PHACTR1: variants seen among roughly 807,000 people sequenced by gnomAD.
PHACTR1 encodes the protein RPEL repeat containing 1.
A neutral mutation model predicts 69.2 loss-of-function variants in PHACTR1; 16 were observed. The ratio of observed to expected loss-of-function variants is 0.23; its 90% confidence interval spans 0.16 to 0.35. The LOEUF (loss-of-function observed/expected upper bound fraction) is 0.35, where lower values mean the gene tolerates loss of function less well. Ranked by LOEUF, PHACTR1 falls within the 10% of genes least tolerant of loss-of-function variation. The pLI, the probability that PHACTR1 is intolerant of heterozygous loss-of-function variation, is 1.00. For synonymous variants in PHACTR1, 312 were observed against 284.5 expected, an observed-to-expected ratio of 1.10 and a Z score of -0.97; for missense variants, 510 against 734.7, an observed-to-expected ratio of 0.69 and a Z score of 3.54.
intron 4 of PHACTR1, among the ~76,000 whole-genome samples, chr6:12,757,639 G>A (rs890642733): frequency 4.6e-5 from 7 of 152,122 alleles, no homozygotes; most frequent in African/African-American, 9.7e-5. Context: ...GCCAGTATGC[G>A]TTCATGATGG....
intron 5 of PHACTR1, among the ~76,000 whole-genome samples, chr6:13,132,591 A>C (rs1158825364): frequency 6.6e-6 from 1 of 152,118 alleles, no homozygotes; most frequent in Non-Finnish European, 1.5e-5. Context: ...AAATAAAGTG[A>C]GTATTTCAGT....
intron 4 of PHACTR1, among the ~76,000 whole-genome samples, chr6:12,979,169 C>A (rs768572582): frequency 2.8e-4 from 43 of 152,214 alleles, no homozygotes; most frequent in Non-Finnish European, 5.1e-4. Context: ...TGGCCAGAGA[C>A]TGTCATATTT....
At chr6:13,218,853 AAAGAG>A (rs536881718) in intron 8 of PHACTR1, among the ~76,000 whole-genome samples, 4,818 of 142,304 alleles carry the variant, frequency 0.034, 109 homozygotes, top group African/African-American at 0.048. Flanking sequence ...GAGGAGGAGG[AAAGAG>A]AAGAGAAGAG....
At chr6:13,284,438 A>C (rs1266321452) in intron 13 of PHACTR1, among the ~76,000 whole-genome samples, 1 of 143,638 alleles carries the variant, frequency 7.0e-6, no homozygotes, top group African/African-American at 2.6e-5. Context: ...AATTGCTTGA[A>C]CCCAGGAGGT....
chr6:12,742,279 T>G (rs936214812), intron 3 of PHACTR1, among the ~76,000 whole-genome samples: 1 of 152,184 alleles, frequency 6.6e-6, no homozygotes. Context: ...TTCCCAGAGC[T>G]TAGGGTTCCT....
At chr6:12,845,870 G>T (rs894722077) in intron 4 of PHACTR1, among the ~76,000 whole-genome samples, 1 of 152,112 alleles carries the variant, frequency 6.6e-6, no homozygotes, top group Non-Finnish European at 1.5e-5. Flanking sequence ...CTCCCTTATT[G>T]TCCTTAACAT....
chr6:12,876,877 T>C (rs911670889), intron 4 of PHACTR1, among the ~76,000 whole-genome samples: 1 of 152,170 alleles, frequency 6.6e-6, no homozygotes, highest in African/African-American at 2.4e-5. Context: ...AGTCTGAGCC[T>C]AAAGGCCTGA....
At chr6:12,818,934 G>T (rs1422830399) in intron 4 of PHACTR1, among the ~76,000 whole-genome samples, 1 of 152,188 alleles carries the variant, frequency 6.6e-6, no homozygotes. Flanking sequence ...GCAGGCATAG[G>T]ACATGCCAGA....
In PHACTR1 at chr6:12,826,336, A is replaced by T. The variant is rs539687472; in HGVS notation, c.250+76546A>T. Among the ~76,000 whole-genome samples the T allele has an allele frequency of 1.3e-4, 20 of 152,244 alleles. No homozygotes were observed. In the South Asian group the frequency reaches 3.7e-3, roughly 28 times the overall value. On this transcript the variant is annotated intron_variant, in intron 4 of 14. Transcript: ENST00000332995. ...GGGCAAAGTAGAGCCAGGGAGACTA[A>T]ACATTTATATCATGATGACCCACAT...
chr6:12,999,262 A>G (rs1797797761), intron 4 of PHACTR1, among the ~76,000 whole-genome samples: 1 of 152,264 alleles, frequency 6.6e-6, no homozygotes. Flanking sequence ...GCAACAGGAA[A>G]TATGAATGAA....
At chr6:13,261,368 CA>C (rs1400972399) in intron 10 of PHACTR1, among the ~76,000 whole-genome samples, 1 of 152,144 alleles carries the variant, frequency 6.6e-6, no homozygotes, top group Non-Finnish European at 1.5e-5. Flanking sequence ...GAAAAGTCAC[CA>C]AGTAGCATCC....
chr6:12,776,169 TA>T (rs1770034679), intron 4 of PHACTR1, among the ~76,000 whole-genome samples: 1 of 152,242 alleles, frequency 6.6e-6, no homozygotes, highest in Admixed American at 6.5e-5. Flanking sequence ...TTAAATGGGA[TA>T]TTTTTAAAAA....
At chr6:12,862,813 C>T (rs1412898344) in intron 4 of PHACTR1, among the ~76,000 whole-genome samples, 1 of 152,184 alleles carries the variant, frequency 6.6e-6, no homozygotes, top group Non-Finnish European at 1.5e-5. Flanking sequence ...TTACAGCAAC[C>T]TACAATATAT....
In PHACTR1 at chr6:13,184,756, G is replaced by A. The variant is rs780343562; in HGVS notation, c.664+2070G>A. 1.6e-4 allele frequency: 215 copies of A among 1,348,676 alleles called. 1 individual carries two copies. The South Asian group carries it at 2.0e-3, about 13-fold the overall frequency. The allele number at this position is 1,348,676 out of a possible 1,614,324, so 83.5% of individuals were successfully genotyped here. A position where few individuals can be genotyped will look rare whatever the true frequency, so the allele number is the denominator to read the frequency against. ...TCCCCGCTGGCCCCGCCTGCACTGC[G>A]TTTGTGTAATGTCTCCTGTGTATCA... On this transcript the variant is annotated intron_variant, in intron 7 of 14. Transcript: ENST00000332995.
At chr6:12,905,273 A>G (rs1785606240) in intron 4 of PHACTR1, among the ~76,000 whole-genome samples, 1 of 152,204 alleles carries the variant, frequency 6.6e-6, no homozygotes, top group Non-Finnish European at 1.5e-5. Context: ...GTGGTAAACA[A>G]CCACTGAAGC....
intron 12 of PHACTR1, among the ~76,000 whole-genome samples, chr6:13,282,280 T>C (rs1780452962): frequency 6.6e-6 from 1 of 152,174 alleles, no homozygotes; most frequent in African/African-American, 2.4e-5. Context: ...TTTGACAGCA[T>C]CTTAAAGAGA....
chr6:12,930,172 T>C (rs990369527), intron 4 of PHACTR1, among the ~76,000 whole-genome samples: 4 of 151,984 alleles, frequency 2.6e-5, no homozygotes, highest in African/African-American at 9.7e-5. Context: ...GCCTTCTGAG[T>C]AGCTGGGACT....
intron 4 of PHACTR1, among the ~76,000 whole-genome samples, chr6:12,982,237 G>A (rs779647972): frequency 4.6e-5 from 7 of 152,072 alleles, no homozygotes; most frequent in African/African-American, 1.7e-4. Flanking sequence ...TGCAGCTCCC[G>A]ACAACCCCTA....
chr6:12,788,449 G>A (rs1035687767), intron 4 of PHACTR1, among the ~76,000 whole-genome samples: 6 of 152,064 alleles, frequency 3.9e-5, no homozygotes, highest in Admixed American at 2.6e-4. Context: ...GGAGAGGAAC[G>A]AAATATAATA....
Sources: gnomAD v4.1 joint callset for allele counts (sites outside exome capture counted in the v4.1 genomes callset) on GRCh38, gnomAD v4.1.1 for gene constraint, MANE v1.5 for transcripts, NCBI Gene and HGNC (gene_info 2026-07-23, HGNC 2026-07-21) for gene names.